The following RAB31 variants were observed in gnomAD, a reference collection of about 807,000 sequenced individuals.
RAB31 encodes the protein RAB31, member RAS oncogene family, also known as ras-related protein Rab-31.
A neutral mutation model predicts 25.6 loss-of-function variants in RAB31; 21 were observed. The observed-to-expected ratio is 0.82, with a 90% CI of 0.58 to 1.18. The LOEUF is 1.18. Among genes scored for constraint, RAB31 ranks in the 50% most tolerant of loss-of-function variants. The pLI is 0.00. For missense variants in RAB31, 196 were observed against 250.1 expected, an observed-to-expected ratio of 0.78 and a Z score of 1.46; for synonymous variants, 87 against 84.0, an observed-to-expected ratio of 1.04 and a Z score of -0.20.
rs114396515 is a variant in RAB31 at position 9,795,686 on chromosome 18, C to T, written c.201+3451C>T. Among the ~76,000 whole-genome samples the T allele has an allele frequency of 3.1e-3, 473 of 152,236 alleles. 4 individuals are homozygous for T. Among genetic ancestry groups the T allele is most frequent in the African/African-American group, 0.011 (446 of 41,536 alleles). On this transcript the variant is annotated intron_variant, in intron 3 of 6. Coordinates refer to ENST00000578921, the MANE Select transcript of RAB31 (RefSeq NM_006868.4). ...TGAAAATCAAAACCACAATATGATACGGCCTTACTCTTGCAAGAACGACTA... is the reference window on the plus strand; with the variant it reads ...TGAAAATCAAAACCACAATATGATATGGCCTTACTCTTGCAAGAACGACTA...
intron 1 of RAB31, among the ~76,000 whole-genome samples, chr18:9,728,955 G>T (rs1369196540): frequency 6.6e-6 from 1 of 152,082 alleles, no homozygotes; most frequent in African/African-American, 2.4e-5. Flanking sequence ...TTTATTGACT[G>T]ACTATATTTT....
intron 5 of RAB31, among the ~76,000 whole-genome samples, chr18:9,819,955 T>C (rs2068617011): frequency 6.6e-6 from 1 of 152,118 alleles, no homozygotes; most frequent in African/African-American, 2.4e-5. Context: ...AGTTGTTTTT[T>C]AGTAAATTAT....
At chr18:9,716,952 G>T (rs1258197608) in intron 1 of RAB31, among the ~76,000 whole-genome samples, 3 of 112,298 alleles carry the variant, frequency 2.7e-5, no homozygotes, top group African/African-American at 1.0e-4. Context: ...GTAGAGATGG[G>T]GTCTTGCTGT....
Position 9,843,257 on chromosome 18 carries a change from G to A in RAB31, c.381-2325G>A, listed in dbSNP as rs536664350. On this transcript the variant is annotated intron_variant, in intron 5 of 6. Coordinates refer to ENST00000578921, the MANE Select transcript of RAB31 (RefSeq NM_006868.4). The stretch of plus-strand genomic sequence containing the variant: ...TATCTGTGCTTTGATAAAGACTTCA[G>A]GAAGAGGCTGGGCGCAGTGGTGCAA... Among the ~76,000 whole-genome samples the A allele has an allele frequency of 2.0e-5, 3 of 152,284 alleles. No homozygotes were observed. The South Asian group carries it at 6.2e-4, about 32-fold the overall frequency.
At chr18:9,841,321 C>T (rs1299575285) in intron 5 of RAB31, among the ~76,000 whole-genome samples, 6 of 151,200 alleles carry the variant, frequency 4.0e-5, no homozygotes, top group African/African-American at 2.4e-5. Flanking sequence ...GGGTGGATCA[C>T]GAGGTCAGGA....
chr18:9,773,204 A>C (rs979446435), intron 1 of RAB31, among the ~76,000 whole-genome samples: 3 of 152,128 alleles, frequency 2.0e-5, no homozygotes, highest in African/African-American at 7.2e-5. Context: ...GTTTGCTGGA[A>C]TTGTCCCCCA....
At chr18:9,856,488 C>T (rs1025332352) in intron 6 of RAB31, 1 of 152,032 alleles carries the variant, frequency 6.6e-6, no homozygotes, top group Non-Finnish European at 1.5e-5. Context: ...CTTTCCAAAG[C>T]AAAAAACTTA....
chr18:9,781,304 T>C (rs2068403030), intron 2 of RAB31, among the ~76,000 whole-genome samples: 1 of 152,170 alleles, frequency 6.6e-6, no homozygotes, highest in African/African-American at 2.4e-5. Flanking sequence ...AGCATGGTAT[T>C]GTGTGCTGTT....
chr18:9,714,265 C>T (rs968580446), intron 1 of RAB31, among the ~76,000 whole-genome samples: 6 of 152,144 alleles, frequency 3.9e-5, no homozygotes, highest in African/African-American at 9.7e-5. Flanking sequence ...GAGCAGGAGG[C>T]GGGGGATGGT....
At chr18:9,815,276 T>C in intron 5 of RAB31, 54 bp downstream of exon 5, 1 of 1,223,242 alleles carries the variant, frequency 8.2e-7, no homozygotes, top group Non-Finnish European at 1.1e-6. Context: ...TCCCTGAGTG[T>C]CATCCGTGTA....
intron 2 of RAB31, among the ~76,000 whole-genome samples, chr18:9,791,854 T>G (rs2145500223): frequency 6.6e-6 from 1 of 152,326 alleles, no homozygotes; most frequent in Admixed American, 6.5e-5. Flanking sequence ...TCTGCTCACC[T>G]TGGCCTCCCA....
At chr18:9,839,582 A>G (rs921733606) in intron 5 of RAB31, among the ~76,000 whole-genome samples, 1 of 152,190 alleles carries the variant, frequency 6.6e-6, no homozygotes, top group East Asian at 1.9e-4. Context: ...AGGCTTTATC[A>G]CAGAGCATTG....
chr18:9,739,941 C>T lies in RAB31; in HGVS notation c.39+31497C>T, dbSNP rs555187011. On this transcript the variant is annotated intron_variant, in intron 1 of 6. Coordinates refer to ENST00000578921, the MANE Select transcript of RAB31 (RefSeq NM_006868.4). ...CCCCAGCAGTTTCTCTCCTAAGCATCTTTTATTTTCCAATGAGGACACTGC... is the reference window on the plus strand; with the variant it reads ...CCCCAGCAGTTTCTCTCCTAAGCATTTTTTATTTTCCAATGAGGACACTGC... Among the ~76,000 whole-genome samples, 1,080 of 152,338 alleles carry T rather than the reference C, an allele frequency of 7.1e-3. 14 individuals are homozygous for T. The highest frequency in any genetic ancestry group is 0.024 in the African/African-American group (1,013 of 41,574).
intron 3 of RAB31, among the ~76,000 whole-genome samples, chr18:9,812,856 C>T (rs1249946364): frequency 6.6e-6 from 1 of 152,028 alleles, no homozygotes; most frequent in Non-Finnish European, 1.5e-5. Context: ...TGCCACCATG[C>T]CCAGCTAATT....
intron 1 of RAB31, among the ~76,000 whole-genome samples, chr18:9,724,296 A>AAAC (rs1350466167): frequency 8.8e-5 from 13 of 147,896 alleles, no homozygotes; most frequent in Non-Finnish European, 1.5e-4. Context: ...AACAAAAAAA[A>AAAC]AACATTATTA....
intron 1 of RAB31, among the ~76,000 whole-genome samples, chr18:9,720,888 G>A (rs537726606): frequency 6.6e-6 from 1 of 152,238 alleles, no homozygotes; most frequent in African/African-American, 2.4e-5. Context: ...TGCAGTTTGA[G>A]TTTATAGCTT....
intron 2 of RAB31, among the ~76,000 whole-genome samples, chr18:9,790,382 G>A (rs756946257): frequency 6.7e-6 from 1 of 150,314 alleles, no homozygotes; most frequent in Admixed American, 6.7e-5. Flanking sequence ...GTGCCATAAT[G>A]CTCAGCTGAT....
intron 6 of RAB31, among the ~76,000 whole-genome samples, chr18:9,855,456 C>G (rs985628209): frequency 6.6e-6 from 1 of 152,142 alleles, no homozygotes; most frequent in African/African-American, 2.4e-5. Context: ...TTGTCCTGCT[C>G]TATGCCTGTG....
Position 9,814,028 on chromosome 18 carries a change from AT to A in RAB31, c.212del (p.Leu71TrpfsTer27). 1 of 1,587,078 alleles carries A rather than the reference AT, an allele frequency of 6.3e-7. No homozygotes were observed. The highest frequency in any genetic ancestry group is 8.6e-7 in the Non-Finnish European group (1 of 1,162,222). ...TCATTGTTCTTAAACAGTTTCATTC[AT>A]TGGCTCCCATGTACTATCGAGGCTC... ...DTAGQERFHS[L>X]APMYYRGSAA... On this transcript the variant is annotated frameshift_variant, in exon 4 of 7. Coordinates refer to ENST00000578921, the MANE Select transcript of RAB31 (RefSeq NM_006868.4). LOFTEE classifies it high-confidence loss of function.
Sources: allele counts gnomAD v4.1 joint callset (sites outside exome capture counted in the v4.1 genomes callset), GRCh38; gene constraint gnomAD v4.1.1; transcripts MANE v1.5; gene names NCBI Gene and HGNC (gene_info 2026-07-23, HGNC 2026-07-21).